NCAPG2: variants seen among roughly 807,000 people sequenced by gnomAD.
NCAPG2 encodes condensin-2 complex subunit G2.
In NCAPG2, 53 loss-of-function variants were observed where a neutral mutation model predicts 141.1. The ratio of observed to expected loss-of-function variants is 0.38; its 90% CI spans 0.30 to 0.47. NCAPG2 has a LOEUF of 0.47. Among genes scored for constraint, NCAPG2 ranks in the 20% least tolerant of loss-of-function variants. NCAPG2 has a pLI of 0.99. For synonymous variants in NCAPG2, 499 were observed against 490.7 expected (o/e 1.02, Z -0.22); for missense variants, 1,087 against 1,389.0 (o/e 0.78, Z 3.46).
chr7:158,701,679 G>T (rs1229235190), intron 2 of NCAPG2, 143 bp downstream of exon 2: 1 of 734,992 alleles, frequency 1.4e-6, no homozygotes, highest in East Asian at 2.8e-5. Context: ...GAGTATAAAG[G>T]GTTTTGTTTT....
In NCAPG2 at chr7:158,664,603, G is replaced by A; in HGVS notation, c.1627C>T (p.Leu543=). ...EEVWCERCVT[L]VQMNHAAARR... is the part of the protein sequence containing the mutation. ...GCAGCGGCGTGGTTCATCTGCACCA[G>A]GGTGACACAGCGCTCGCACCAGACC... Residue 543 remains leucine (L), a synonymous_variant, in exon 14 of 28, where the codon CTG becomes TTG. Transcript: ENST00000356309. 1 of 1,614,160 alleles carries A rather than the reference G, an allele frequency of 6.2e-7. No homozygotes were observed. Among genetic ancestry groups the A allele is most frequent in the South Asian group, 1.1e-5 (1 of 91,082 alleles).
intron 6 of NCAPG2, 108 bp downstream of exon 6, chr7:158,689,711 G>T: frequency 9.7e-7 from 1 of 1,029,604 alleles, no homozygotes; most frequent in Non-Finnish European, 1.3e-6. Context: ...ATAGCTCCTG[G>T]TAGCTAAGCA....
chr7:158,652,559 A>ACAAGTT, intron 22 of NCAPG2, 79 bp from the exon 23 acceptor site: 1 of 1,122,760 alleles, frequency 8.9e-7, no homozygotes. Context: ...CACTTAACAC[A>ACAAGTT]TGTATAAAAT....
chr7:158,685,036 T>G (rs888436867), intron 8 of NCAPG2, among the ~76,000 whole-genome samples: 6 of 152,198 alleles, frequency 3.9e-5, no homozygotes, highest in African/African-American at 1.4e-4. Context: ...AAAGTCAGGA[T>G]AGAACACAGG....
At chr7:158,668,495 G>T in intron 13 of NCAPG2, 1 of 861,998 alleles carries the variant, frequency 1.2e-6, no homozygotes, top group Non-Finnish European at 1.4e-6. Flanking sequence ...GATACATTCT[G>T]AAATACAAAG....
chr7:158,690,018 G>T, intron 5 of NCAPG2, 65 bp from the exon 6 acceptor site: 1 of 1,245,556 alleles, frequency 8.0e-7, no homozygotes, highest in Non-Finnish European at 1.1e-6. Context: ...TTCAAATCAA[G>T]TATATTTTAT....
At position 158,689,750 on chromosome 7, in the gene NCAPG2, T is replaced by C. The variant is rs557446351; in HGVS notation, c.672+69A>G. The C allele has an allele frequency of 1.3e-4, 174 of 1,390,008 alleles. 1 individual carries two copies. In the Middle Eastern group the frequency reaches 2.1e-3, roughly 16 times the overall value. 86.1% of individuals were successfully genotyped at this position (1,390,008 alleles called of 1,614,324 possible). On this transcript the variant is annotated intron_variant, in intron 6 of 27. Coordinates refer to ENST00000356309, the MANE Select transcript of NCAPG2 (RefSeq NM_017760.7). ...CCGAGCATGGTGCAGACAGGAACCA[T>C]GTGAACACAGGAGAAACATCTATTA... is the stretch of plus-strand genomic sequence containing the variant.
rs1053360116 is a variant in NCAPG2, at chr7:158,658,488, A to G, written c.1990-80T>C. ...GAAAGTCTCTCTACGTAAATTCCTG[A>G]TAACTTACTACCAAAGTTGCTCAAG... On this transcript the variant is annotated intron_variant, in intron 16 of 27. Coordinates refer to ENST00000356309, the MANE Select transcript of NCAPG2 (RefSeq NM_017760.7). 3 of 1,268,758 alleles carry G rather than the reference A, an allele frequency of 2.4e-6. No individual in the cohort carries two copies. The African/African-American group carries it at 4.5e-5, about 19-fold the overall frequency. The allele number at this position is 1,268,758 out of a possible 1,614,324, so 78.6% of individuals were successfully genotyped here.
In NCAPG2 at chr7:158,680,717, A is replaced by T. The variant is rs1416717588; in HGVS notation, c.1020+4T>A. On this transcript the variant is annotated splice_donor_region_variant and intron_variant, in intron 10 of 27. Coordinates refer to ENST00000356309, the MANE Select transcript of NCAPG2 (RefSeq NM_017760.7). ...AACACGGATAAACTATTTGAAATGT[A>T]TACCTTTAATCCTCTCCAAAGGATG... 1 of 1,519,710 alleles carries T rather than the reference A, an allele frequency of 6.6e-7. No homozygotes were observed. Among genetic ancestry groups the T allele is most frequent in the Non-Finnish European group, 8.9e-7 (1 of 1,125,700 alleles). The allele number at this position is 1,519,710 out of a possible 1,614,324, so 94.1% of individuals were successfully genotyped here. A position where few individuals can be genotyped will look rare whatever the true frequency, so the allele number is the denominator to read the frequency against.
At chr7:158,694,262 T>C (rs568830397) in intron 2 of NCAPG2, among the ~76,000 whole-genome samples, 4 of 152,262 alleles carry the variant, frequency 2.6e-5, no homozygotes, top group African/African-American at 9.6e-5. Context: ...TATCAAATCA[T>C]TAATTAATAG....
chr7:158,672,588 G>A (rs1010456732), intron 12 of NCAPG2, among the ~76,000 whole-genome samples: 5 of 151,624 alleles, frequency 3.3e-5, no homozygotes, highest in Admixed American at 6.6e-5. Context: ...TGATCTGCCC[G>A]CCTCGGCCTC....
At chr7:158,661,276 T>C (rs1832483298) in intron 16 of NCAPG2, among the ~76,000 whole-genome samples, 1 of 152,242 alleles carries the variant, frequency 6.6e-6, no homozygotes, top group East Asian at 1.9e-4. Flanking sequence ...ATGTGGTTCA[T>C]AAGACCTACG....
chr7:158,672,108 C>T (rs181225593), intron 12 of NCAPG2, among the ~76,000 whole-genome samples: 67 of 151,898 alleles, frequency 4.4e-4, no homozygotes, highest in South Asian at 2.1e-3. Flanking sequence ...AACGCACTCT[C>T]GGCTGACTAC....
chr7:158,689,727 G>C (rs897556040), intron 6 of NCAPG2, 92 bp downstream of exon 6: 1 of 1,203,918 alleles, frequency 8.3e-7, no homozygotes, highest in South Asian at 2.1e-5. Flanking sequence ...AAGCAACACC[G>C]AGCATGGTGC....
chr7:158,655,217 G>A lies in NCAPG2; in HGVS notation c.2547C>T (p.Asp849=). Residue 849 remains aspartate (D), a synonymous_variant, in exon 21 of 28, where the codon GAC becomes GAT. Coordinates refer to ENST00000356309, the MANE Select transcript of NCAPG2 (RefSeq NM_017760.7). The part of the protein sequence containing the change: ...EGKVYLSMLE[D]TGFWLESKIL... ...TTTTGCTTTCTAACCAAAAGCCAGT[G>A]TCTTCCAACATGGACAAATACACCT... 6.2e-7 allele frequency: 1 copy of A among 1,614,078 alleles called. No homozygotes were observed. The highest frequency in any genetic ancestry group is 1.1e-5 in the South Asian group (1 of 91,064).
In NCAPG2 at chr7:158,671,583, G is replaced by A; in HGVS notation, c.1410C>T (p.Asp470=). ...AAGCTACCCTCACTTTCTCCGAATT[G>A]TCGTGGAGACTGTATCTGAGAGCTG... The part of the protein sequence containing the change: ...LLPALRYSLH[D]NSEKVRVAFV... The change falls in exon 13 of 28, where the codon GAC becomes GAT. Residue 470 remains aspartate (D), a synonymous_variant. Transcript: ENST00000356309. 1 of 1,614,174 alleles carries A rather than the reference G, an allele frequency of 6.2e-7. No homozygotes were observed.
chr7:158,701,139 C>T (rs1433387020), intron 2 of NCAPG2, among the ~76,000 whole-genome samples: 13 of 152,302 alleles, frequency 8.5e-5, no homozygotes, highest in South Asian at 6.2e-4. Context: ...CACAGTCAGA[C>T]GCCTGGGCCC....
intron 2 of NCAPG2, among the ~76,000 whole-genome samples, chr7:158,693,905 C>T (rs573954440): frequency 6.6e-6 from 1 of 152,320 alleles, no homozygotes; most frequent in South Asian, 2.1e-4. Flanking sequence ...CACCAGCCAA[C>T]AAGATGATTT....
chr7:158,664,396 T>A, intron 14 of NCAPG2, 100 bp from the exon 15 acceptor site: 5 of 1,505,496 alleles, frequency 3.3e-6, no homozygotes, highest in Non-Finnish European at 4.6e-6. Context: ...AAAAGTACTA[T>A]TTTAAGGGAA....
Sources: gnomAD v4.1 joint callset for allele counts (sites outside exome capture counted in the v4.1 genomes callset) on GRCh38, gnomAD v4.1.1 for gene constraint, MANE v1.5 for transcripts, NCBI Gene and HGNC (gene_info 2026-07-23, HGNC 2026-07-21) for gene names.